TMC1: variants seen among roughly 807,000 people sequenced by gnomAD.
The protein encoded by TMC1 is transmembrane channel-like protein 1.
A neutral mutation model predicts 105.8 loss-of-function variants in TMC1; 84 were observed. The observed-to-expected ratio is 0.79, with a 90% CI of 0.67 to 0.95. The LOEUF (loss-of-function observed/expected upper bound fraction) is 0.95. Among genes scored for constraint, TMC1 ranks in the 40% least tolerant of loss-of-function variants. The pLI is 0.00. For missense variants in TMC1, 817 were observed against 914.1 expected (o/e 0.89, Z 1.37); for synonymous variants, 315 against 311.5 (o/e 1.01, Z -0.12).
rs1283494869 is a variant in TMC1 at position 72,523,368 on chromosome 9, AC to A, written c.-428+1456del. Among the ~76,000 whole-genome samples the A allele has an allele frequency of 3.3e-5, 5 of 152,128 alleles. No individual in the cohort carries two copies. The East Asian group carries it at 9.6e-4, about 29-fold the overall frequency. On this transcript the variant is annotated intron_variant, in intron 1 of 23. Transcript: ENST00000297784. Reference sequence around the variant, plus strand: ...TTGCGTAGTCAAAAATCTGAGCTTAACTTTTGACTACCCTCACACTTTCCTA... The same window carrying A: ...TTGCGTAGTCAAAAATCTGAGCTTAATTTTGACTACCCTCACACTTTCCTA...
chr9:72,702,239 AAAAATTCC>A (rs1308022299), intron 8 of TMC1, among the ~76,000 whole-genome samples: 1 of 152,164 alleles, frequency 6.6e-6, no homozygotes, highest in Non-Finnish European at 1.5e-5. Flanking sequence ...ATGATTGAAT[AAAAATTCC>A]AAGGACTACC....
chr9:72,812,640 G>C (rs1018598445), intron 18 of TMC1, among the ~76,000 whole-genome samples: 6 of 152,236 alleles, frequency 3.9e-5, no homozygotes, highest in African/African-American at 1.4e-4. Flanking sequence ...CAAGTTCCCA[G>C]GTGATGCTGC....
At position 72,700,591 on chromosome 9, in the gene TMC1, G is replaced by C. The variant is rs1310537268; in HGVS notation, c.310G>C (p.Ala104Pro). ...GTTAGATGAGAAAAGACAAATAATT[G>C]CTACTGTCAAATGCAAACCATGGAA... ...AELDEKRQII[A>P]TVKCKPWKME... Residue 104 changes from alanine (A) to proline (P), a missense_variant, in exon 8 of 24, where the codon GCT becomes CCT. Ala to Pro is a conservative substitution (Grantham distance 27). Transcript: ENST00000297784. 3.7e-6 allele frequency: 6 copies of C among 1,608,510 alleles called. No homozygotes were observed. The highest frequency in any genetic ancestry group is 1.7e-5 in the Admixed American group (1 of 59,782).
intron 17 of TMC1, among the ~76,000 whole-genome samples, chr9:72,798,951 T>C: frequency 6.6e-6 from 1 of 152,136 alleles, no homozygotes; most frequent in East Asian, 1.9e-4. Context: ...TTAAGTTATT[T>C]GTTTTCATGA....
At chr9:72,794,395 T>C (rs895127014) in intron 17 of TMC1, among the ~76,000 whole-genome samples, 2 of 152,134 alleles carry the variant, frequency 1.3e-5, no homozygotes, top group Non-Finnish European at 2.9e-5. Flanking sequence ...AGAGGGAACA[T>C]GGCTGCAACT....
Position 72,836,126 on chromosome 9 carries a change from T to C in TMC1, c.*153T>C. On this transcript the variant is annotated 3_prime_UTR_variant, in exon 24 of 24. Coordinates refer to ENST00000297784, the MANE Select transcript of TMC1 (RefSeq NM_138691.3). ...AAGGTCATGCTGGCCAATTAAGGCATCATCAGTCCTACCTGAGCAACAAGA... is the reference window on the plus strand; with the variant it reads ...AAGGTCATGCTGGCCAATTAAGGCACCATCAGTCCTACCTGAGCAACAAGA... 1 of 849,754 alleles carries C rather than the reference T, an allele frequency of 1.2e-6. No homozygotes were observed. Among genetic ancestry groups the C allele is most frequent in the Non-Finnish European group, 2.0e-6 (1 of 499,546 alleles). The allele number at this position is 849,754 out of a possible 1,614,324, so 52.6% of individuals were successfully genotyped here. A position where few individuals can be genotyped will look rare whatever the true frequency, so the allele number is the denominator to read the frequency against.
intron 4 of TMC1, among the ~76,000 whole-genome samples, chr9:72,646,440 C>T (rs1825711467): frequency 6.6e-6 from 1 of 152,084 alleles, no homozygotes; most frequent in African/African-American, 2.4e-5. Context: ...TTCAGACTTA[C>T]TAATTTTGCC....
intron 12 of TMC1, among the ~76,000 whole-genome samples, chr9:72,767,603 T>C (rs1262958811): frequency 6.6e-6 from 1 of 152,220 alleles, no homozygotes; most frequent in Non-Finnish European, 1.5e-5. Flanking sequence ...ACAGTCTTTC[T>C]TGTGGAAATG....
chr9:72,765,672 G>T (rs1827818820), intron 12 of TMC1, among the ~76,000 whole-genome samples: 1 of 151,884 alleles, frequency 6.6e-6, no homozygotes, highest in Admixed American at 6.6e-5. Flanking sequence ...AAAAGAGCCT[G>T]ATCAGGGAGA....
chr9:72,788,330 T>G lies in TMC1; in HGVS notation c.885-9T>G. The G allele has an allele frequency of 1.9e-6, 3 of 1,613,968 alleles. No homozygotes were observed. The highest frequency in any genetic ancestry group is 2.5e-6 in the Non-Finnish European group (3 of 1,179,878). On this transcript the variant is annotated splice_polypyrimidine_tract_variant and intron_variant, in intron 13 of 23. Transcript: ENST00000297784. The stretch of plus-strand genomic sequence containing the variant: ...TCTGGCTGCTGGGTTAAACTTCCTG[T>G]TTTTGCAGAATGACCAAAAACATTG...
chr9:72,809,716 C>T (rs950611804), intron 18 of TMC1, among the ~76,000 whole-genome samples: 2 of 152,144 alleles, frequency 1.3e-5, no homozygotes, highest in African/African-American at 4.8e-5. Flanking sequence ...AAAATGAGAG[C>T]TCTTACATAA....
At chr9:72,646,809 A>T (rs12346517) in intron 4 of TMC1, among the ~76,000 whole-genome samples, 7,738 of 151,888 alleles carry the variant, frequency 0.051, 235 homozygotes, top group Non-Finnish European at 0.062. Context: ...TTTTCTTGTT[A>T]TAATAAAACA....
intron 8 of TMC1, among the ~76,000 whole-genome samples, chr9:72,710,474 T>C (rs1028986814): frequency 1.3e-5 from 2 of 152,210 alleles, no homozygotes; most frequent in Admixed American, 1.3e-4. Flanking sequence ...TGTGTTGCTG[T>C]CTATCTCATT....
intron 2 of TMC1, among the ~76,000 whole-genome samples, chr9:72,582,555 C>T (rs1824492432): frequency 6.6e-6 from 1 of 152,120 alleles, no homozygotes; most frequent in Non-Finnish European, 1.5e-5. Context: ...ATTGACTAGC[C>T]TTTTAAAATT....
intron 4 of TMC1, among the ~76,000 whole-genome samples, chr9:72,631,382 C>T (rs1008922789): frequency 3.3e-5 from 5 of 151,982 alleles, no homozygotes; most frequent in African/African-American, 4.8e-5. Flanking sequence ...GTGCGTAATT[C>T]GTTTTAAAAA....
chr9:72,832,251 A>C (rs36049886), intron 23 of TMC1, among the ~76,000 whole-genome samples: 6,349 of 152,130 alleles, frequency 0.042, 166 homozygotes, highest in African/African-American at 0.052. Context: ...TGTGCCCAGC[A>C]TTCAGGGCAC....
At chr9:72,658,758 G>C (rs1291535942) in intron 5 of TMC1, among the ~76,000 whole-genome samples, 3 of 152,248 alleles carry the variant, frequency 2.0e-5, no homozygotes, top group African/African-American at 7.2e-5. Context: ...GCTTGCTAGA[G>C]TGAGGGTCTT....
At chr9:72,809,749 T>C (rs984685915) in intron 18 of TMC1, among the ~76,000 whole-genome samples, 2 of 152,228 alleles carry the variant, frequency 1.3e-5, no homozygotes, top group African/African-American at 4.8e-5. Context: ...TTATTGTTTT[T>C]CTTGAAAGGC....
At chr9:72,539,573 C>T (rs780451721) in intron 1 of TMC1, among the ~76,000 whole-genome samples, 2 of 152,132 alleles carry the variant, frequency 1.3e-5, no homozygotes, top group Non-Finnish European at 2.9e-5. Flanking sequence ...TTCTCATTTC[C>T]TTCTGAGACC....
Sources: allele counts gnomAD v4.1 joint callset (sites outside exome capture counted in the v4.1 genomes callset), GRCh38; gene constraint gnomAD v4.1.1; transcripts MANE v1.5; gene names NCBI Gene and HGNC (gene_info 2026-07-23, HGNC 2026-07-21).